Variants in PHF14 observed in about 807,000 individuals in gnomAD.
PHF14 encodes PHD finger protein 14.
Under a neutral mutation model 117.9 loss-of-function variants are expected in PHF14, and 55 were observed. The ratio of observed to expected loss-of-function variants is 0.47; its 90% CI spans 0.38 to 0.58. The LOEUF (loss-of-function observed/expected upper bound fraction) is 0.58, where lower values mean the gene tolerates loss of function less well. Ranked by LOEUF, PHF14 falls within the 20% of genes least tolerant of loss-of-function variation. The pLI is 0.00. For synonymous variants in PHF14, 409 were observed against 368.6 expected, an observed-to-expected ratio of 1.11 and a Z score of -1.26; for missense variants, 978 against 1,122.2, an observed-to-expected ratio of 0.87 and a Z score of 1.84.
chr7:11,037,130 T>C, intron 10 of PHF14, 39 bp downstream of exon 10: 1 of 1,432,740 alleles, frequency 7.0e-7, no homozygotes, highest in Non-Finnish European at 9.3e-7. Flanking sequence ...ATGTGATAGA[T>C]CTTACTGATG....
intron 2 of PHF14, among the ~76,000 whole-genome samples, chr7:10,981,507 G>A (rs1782042945): frequency 6.6e-6 from 1 of 152,190 alleles, no homozygotes; most frequent in Non-Finnish European, 1.5e-5. Flanking sequence ...GCTGCCCTAG[G>A]CAGGAGTGGA....
At chr7:11,069,490 G>A (rs1174100911) in intron 16 of PHF14, among the ~76,000 whole-genome samples, 1 of 152,016 alleles carries the variant, frequency 6.6e-6, no homozygotes, top group Non-Finnish European at 1.5e-5. Context: ...AATCAACCTT[G>A]CAAATCTGGG....
chr7:11,038,580 C>T (rs958441498), intron 10 of PHF14, among the ~76,000 whole-genome samples, 180 bp from the exon 11 acceptor site: 3 of 151,682 alleles, frequency 2.0e-5, no homozygotes, highest in African/African-American at 7.3e-5. Context: ...ATCGCTTGAA[C>T]CCCAGAGGCG....
intron 4 of PHF14, among the ~76,000 whole-genome samples, chr7:11,005,332 C>G (rs912565723): frequency 9.9e-5 from 15 of 152,134 alleles, no homozygotes; most frequent in African/African-American, 3.1e-4. Context: ...AAGAAATTCT[C>G]TTCCCCTTTT....
intron 4 of PHF14, among the ~76,000 whole-genome samples, chr7:11,009,278 C>T (rs930296447): frequency 6.6e-6 from 1 of 152,174 alleles, no homozygotes; most frequent in African/African-American, 2.4e-5. Context: ...TGAAAGTCCA[C>T]TGGCCCCTGT....
chr7:10,982,600 A>G lies in PHF14; in HGVS notation c.341A>G (p.Lys114Arg). The G allele has an allele frequency of 6.6e-7, 1 of 1,516,572 alleles. No individual in the cohort carries two copies. Among genetic ancestry groups the G allele is most frequent in the Non-Finnish European group, 8.9e-7 (1 of 1,118,990 alleles). The allele number at this position is 1,516,572 out of a possible 1,614,324, so 93.9% of individuals were successfully genotyped here. Residue 114 changes from lysine to arginine, a missense_variant, in exon 3 of 18, where the codon AAA (lysine) becomes AGA (arginine). Transcript: ENST00000634607. ...GAAAATGGAGAAAGACCTAGAAAGA[A>G]AAAGGAGAAAGAGAAGGAAAAAGAA... ...EEENGERPRK[K>R]KEKEKEKEKE... is the part of the protein sequence containing the mutation.
At chr7:11,013,646 T>A in intron 4 of PHF14, 101 bp from the exon 5 acceptor site, 1 of 598,550 alleles carries the variant, frequency 1.7e-6, no homozygotes, top group Non-Finnish European at 2.9e-6. Flanking sequence ...TGGTGTTTCA[T>A]ATCTTTTTCC....
At chr7:11,133,070 G>C (rs1438410297) in intron 17 of PHF14, among the ~76,000 whole-genome samples, 1 of 151,836 alleles carries the variant, frequency 6.6e-6, no homozygotes, top group Non-Finnish European at 1.5e-5. Context: ...TAAATAAATA[G>C]AAAGCTATTC....
In PHF14 at chr7:11,012,511, T is replaced by C. The variant is rs2128315902; in HGVS notation, c.1046-1236T>C. ...AGTGCACCTGACCAGTTCAAACCTG[T>C]GTTGTTCCATTGTCAACTGTAACTT... is the stretch of plus-strand genomic sequence containing the variant. On this transcript the variant is annotated intron_variant, in intron 4 of 17. Coordinates refer to ENST00000634607, the MANE Select transcript of PHF14 (RefSeq NM_001007157.2). 2.6e-5 allele frequency among the ~76,000 whole-genome samples: 4 copies of C among 152,358 alleles called. No homozygotes were observed. The Middle Eastern group carries it at 0.01, about 389-fold the overall frequency.
chr7:11,021,047 C>T lies in PHF14; in HGVS notation c.1206-1821C>T, dbSNP rs556376852. On this transcript the variant is annotated intron_variant, in intron 5 of 17. Transcript: ENST00000634607. The stretch of plus-strand genomic sequence containing the variant: ...GTAAAGGCATTACTGATACAGAGCA[C>T]TTCAAACTCCAATTTTATTGATTAA... Among the ~76,000 whole-genome samples, 4 of 152,338 alleles carry T rather than the reference C, an allele frequency of 2.6e-5. No individual in the cohort carries two copies. In the South Asian group the frequency reaches 8.3e-4, roughly 32 times the overall value.
At chr7:11,074,077 C>A (rs567542901) in intron 16 of PHF14, among the ~76,000 whole-genome samples, 2 of 152,286 alleles carry the variant, frequency 1.3e-5, no homozygotes, top group East Asian at 3.9e-4. Flanking sequence ...CTCCAAAATG[C>A]GTTCAATGCC....
At chr7:11,006,265 A>C in intron 4 of PHF14, 1 of 368,712 alleles carries the variant, frequency 2.7e-6, no homozygotes, top group Admixed American at 3.7e-5. Context: ...ATTAAGAATG[A>C]AGTTTGGCAT....
At chr7:11,166,330 A>G (rs947492419) in intron 17 of PHF14, among the ~76,000 whole-genome samples, 1 of 147,492 alleles carries the variant, frequency 6.8e-6, no homozygotes, top group African/African-American at 2.5e-5. Context: ...CAGCAGAGAG[A>G]AAAAAAAAAA....
At chr7:11,043,808 T>C (rs1784575135) in intron 13 of PHF14, among the ~76,000 whole-genome samples, 1 of 152,116 alleles carries the variant, frequency 6.6e-6, no homozygotes, top group South Asian at 2.1e-4. Flanking sequence ...CCAACAATGT[T>C]AATAAGCATC....
intron 16 of PHF14, among the ~76,000 whole-genome samples, chr7:11,091,688 G>T (rs1433168348): frequency 2.0e-5 from 3 of 152,094 alleles, no homozygotes; most frequent in African/African-American, 7.2e-5. Context: ...AACCCGGGAG[G>T]CAGAGGTTGC....
intron 17 of PHF14, among the ~76,000 whole-genome samples, chr7:11,112,065 A>G (rs1787464401): frequency 6.6e-6 from 1 of 152,150 alleles, no homozygotes; most frequent in Non-Finnish European, 1.5e-5. Context: ...CTAAACTTAC[A>G]TTGTAGTAAT....
intron 17 of PHF14, among the ~76,000 whole-genome samples, chr7:11,156,093 A>G (rs1056258642): frequency 6.6e-6 from 1 of 152,212 alleles, no homozygotes; most frequent in Non-Finnish European, 1.5e-5. Flanking sequence ...AGTACATACC[A>G]GTGGTGGTTT....
intron 12 of PHF14, among the ~76,000 whole-genome samples, chr7:11,041,466 C>T (rs1047285197): frequency 2.0e-5 from 3 of 150,098 alleles, no homozygotes; most frequent in Admixed American, 2.0e-4. Context: ...GTATATTTAT[C>T]TATGTATATG....
intron 17 of PHF14, among the ~76,000 whole-genome samples, chr7:11,146,823 G>A (rs1380807183): frequency 2.6e-5 from 4 of 152,028 alleles, no homozygotes; most frequent in Non-Finnish European, 5.9e-5. Context: ...GCAAATCAAC[G>A]ATGCAGCTTT....
Sources: gnomAD v4.1 joint callset for allele counts (sites outside exome capture counted in the v4.1 genomes callset) on GRCh38, gnomAD v4.1.1 for gene constraint, MANE v1.5 for transcripts, NCBI Gene and HGNC (gene_info 2026-07-23, HGNC 2026-07-21) for gene names.